The following CNDP1 variants were observed in gnomAD, a reference collection of about 807,000 sequenced individuals.
The protein encoded by CNDP1 is beta-Ala-His dipeptidase.
In CNDP1, 44 loss-of-function variants were observed where a neutral mutation model predicts 58.1. The ratio of observed to expected loss-of-function variants is 0.76; its 90% CI spans 0.60 to 0.97. The LOEUF (loss-of-function observed/expected upper bound fraction) is 0.97, where lower values mean the gene tolerates loss of function less well. Among genes scored for constraint, CNDP1 ranks in the 50% least tolerant of loss-of-function variants. CNDP1 has a pLI of 0.00. For synonymous variants in CNDP1, 254 were observed against 252.6 expected (o/e 1.01, Z -0.05); for missense variants, 616 against 655.1 (o/e 0.94, Z 0.65).
At chr18:74,579,653 A>C (rs1179864814) in intron 9 of CNDP1, among the ~76,000 whole-genome samples, 1 of 152,232 alleles carries the variant, frequency 6.6e-6, no homozygotes, top group Non-Finnish European at 1.5e-5. Flanking sequence ...GAGGCTCTCC[A>C]TAGTTGAGCC....
chr18:74,567,366 T>C lies in CNDP1; in HGVS notation c.689T>C (p.Leu230Pro). The C allele has an allele frequency of 2.5e-6, 4 of 1,614,140 alleles. No homozygotes were observed. Among genetic ancestry groups the C allele is most frequent in the Non-Finnish European group, 3.4e-6 (4 of 1,180,008 alleles). ...GACTACATTGTAATTTCAGATAACC[T>C]GTGGATCAGCCAAAGGAAGCCAGCA... ...GVDYIVISDNLWISQRKPAIT... is the reference protein window; with the variant it reads ...GVDYIVISDNPWISQRKPAIT... The change falls in exon 6 of 12, where the codon CTG (leucine) becomes CCG (proline). Residue 230 changes from leucine (L) to proline (P), a missense_variant. Transcript: ENST00000358821.
In CNDP1 at chr18:74,559,348, A is replaced by G. The variant is rs201810396; in HGVS notation, c.179A>G (p.Glu60Gly). 119 of 1,614,060 alleles carry G rather than the reference A, an allele frequency of 7.4e-5. No homozygotes were observed. The East Asian group carries it at 2.4e-3, about 32-fold the overall frequency. The part of the protein sequence containing the change: ...VQTLKEWVAI[E>G]SDSVQPVPRF... ...ACGCTGAAGGAGTGGGTGGCCATCG[A>G]GAGCGACTCTGTCCAGCCTGTGCCT... is the stretch of plus-strand genomic sequence containing the variant. Residue 60 changes from glutamate (E) to glycine (G), a missense_variant, in exon 3 of 12, where the codon GAG (glutamate) becomes GGG (glycine). Coordinates refer to ENST00000358821, the MANE Select transcript of CNDP1 (RefSeq NM_032649.6).
intron 1 of CNDP1, among the ~76,000 whole-genome samples, chr18:74,538,719 C>T (rs1458689156): frequency 6.6e-6 from 1 of 152,136 alleles, no homozygotes; most frequent in African/African-American, 2.4e-5. Context: ...TTTGTGATTC[C>T]CGGCATCCTC....
intron 7 of CNDP1, among the ~76,000 whole-genome samples, chr18:74,571,732 A>G (rs1981484496): frequency 6.6e-6 from 1 of 152,206 alleles, no homozygotes; most frequent in South Asian, 2.1e-4. Context: ...ACTAAGCGAC[A>G]CACCAGGTGA....
rs74934994 is a variant in CNDP1 at position 74,564,157 on chromosome 18, T to C, written c.555+2022T>C. ...CCCGTGCTCATGTTGCATTTGTTAA[T>C]CTGTGGTGAGTCAAGCCCACTTATT... On this transcript the variant is annotated intron_variant, in intron 5 of 11. Coordinates refer to ENST00000358821, the MANE Select transcript of CNDP1 (RefSeq NM_032649.6). Among the ~76,000 whole-genome samples, 1,539 of 152,338 alleles carry C rather than the reference T, an allele frequency of 0.01. 70 individuals are homozygous for C. The East Asian group carries it at 0.12, about 12-fold the overall frequency.
At chr18:74,584,256 T>C in intron 11 of CNDP1, 1 of 512,534 alleles carries the variant, frequency 2.0e-6, no homozygotes, top group Non-Finnish European at 3.5e-6. Context: ...TGATAAGAAA[T>C]CAAGGAAAAT....
At chr18:74,548,843 C>T (rs1980828440) in intron 1 of CNDP1, among the ~76,000 whole-genome samples, 1 of 152,210 alleles carries the variant, frequency 6.6e-6, no homozygotes, top group African/African-American at 2.4e-5. Context: ...CATGTTATGC[C>T]TTAGCAAAGA....
chr18:74,576,731 A>C (rs927555722), intron 7 of CNDP1, 138 bp from the exon 8 acceptor site: 1 of 636,646 alleles, frequency 1.6e-6, no homozygotes, highest in Non-Finnish European at 2.6e-6. Flanking sequence ...AGTTGCTGCC[A>C]ATGGCTTTGG....
At chr18:74,551,361 AACACACACACACAC>A (rs74178982) in intron 1 of CNDP1, among the ~76,000 whole-genome samples, 9 of 148,076 alleles carry the variant, frequency 6.1e-5, no homozygotes, top group Admixed American at 4.7e-4. Flanking sequence ...GCACAACTGT[AACACACACACACAC>A]ACACACACAC....
At chr18:74,572,008 G>A (rs530788282) in intron 7 of CNDP1, among the ~76,000 whole-genome samples, 20 of 152,238 alleles carry the variant, frequency 1.3e-4, no homozygotes, top group Non-Finnish European at 2.4e-4. Context: ...CGCTTGTCAC[G>A]GTGGCTGGAA....
intron 1 of CNDP1, among the ~76,000 whole-genome samples, chr18:74,553,610 T>A (rs140549314): frequency 1.5e-3 from 232 of 152,346 alleles, no homozygotes; most frequent in Non-Finnish European, 2.7e-3. Context: ...TCTATCCAAT[T>A]GATATGTATG....
In CNDP1 at chr18:74,576,905, C is replaced by A. The variant is rs1179896420; in HGVS notation, c.878C>A (p.Pro293His). The change falls in exon 8 of 12, where the codon CCT becomes CAT. Residue 293 changes from proline to histidine, a missense_variant. Coordinates refer to ENST00000358821, the MANE Select transcript of CNDP1 (RefSeq NM_032649.6). The part of the protein sequence containing the change: ...LVDSSGHILV[P>H]GIYDEVVPLT... ...GACTCGTCTGGTCATATCCTGGTCC[C>A]TGGAATCTATGATGAAGTGGTTCCT... 2 of 1,613,162 alleles carry A rather than the reference C, an allele frequency of 1.2e-6. No individual in the cohort carries two copies. Among genetic ancestry groups the A allele is most frequent in the African/African-American group, 2.7e-5 (2 of 74,904 alleles).
intron 3 of CNDP1, among the ~76,000 whole-genome samples, chr18:74,559,798 G>T (rs1339145984): frequency 6.6e-6 from 1 of 152,082 alleles, no homozygotes; most frequent in African/African-American, 2.4e-5. Context: ...AAAGGAAATT[G>T]TCCTTTTCTT....
Position 74,586,325 on chromosome 18 carries a change from A to G in CNDP1, c.*1763A>G, listed in dbSNP as rs1245821470. 1 of 152,238 alleles carries G rather than the reference A, an allele frequency of 6.6e-6. No homozygotes were observed. Among genetic ancestry groups the G allele is most frequent in the Non-Finnish European group, 1.5e-5 (1 of 68,050 alleles). The allele number at this position is 152,238 out of a possible 1,614,324, so 9.4% of individuals were successfully genotyped here. A position where few individuals can be genotyped will look rare whatever the true frequency, so the allele number is the denominator to read the frequency against. On this transcript the variant is annotated 3_prime_UTR_variant, in exon 12 of 12. Transcript: ENST00000358821. The stretch of plus-strand genomic sequence containing the variant: ...CAGCAGGTGTTTGATATTTTGTGCT[A>G]TTAAGTGTAGTTTGCGCTCATCTAA...
intron 2 of CNDP1, among the ~76,000 whole-genome samples, chr18:74,557,541 C>G (rs1981074880): frequency 6.6e-6 from 1 of 152,086 alleles, no homozygotes; most frequent in South Asian, 2.1e-4. Context: ...AGCTCCTCCC[C>G]ACCCCCACTC....
chr18:74,586,862 T>A lies in CNDP1; in HGVS notation c.*2300T>A, dbSNP rs1020440476. 6 of 152,240 alleles carry A rather than the reference T, an allele frequency of 3.9e-5. No homozygotes were observed. The highest frequency in any genetic ancestry group is 1.4e-4 in the African/African-American group (6 of 41,452). The allele number at this position is 152,240 out of a possible 1,614,324, so 9.4% of individuals were successfully genotyped here. A position where few individuals can be genotyped will look rare whatever the true frequency, so the allele number is the denominator to read the frequency against. On this transcript the variant is annotated 3_prime_UTR_variant, in exon 12 of 12. Coordinates refer to ENST00000358821, the MANE Select transcript of CNDP1 (RefSeq NM_032649.6). ...AAGGGATAAAAGAAAGCTACTCAGT[T>A]GTTATTCAGATATATTAACCAGCCA...
At chr18:74,578,429 T>C (rs962225856) in intron 9 of CNDP1, 102 bp downstream of exon 9, 1 of 1,123,388 alleles carries the variant, frequency 8.9e-7, no homozygotes, top group Non-Finnish European at 1.3e-6. Flanking sequence ...CATTGGAGTA[T>C]CATTTTTTTC....
chr18:74,544,217 A>C (rs541943102), intron 1 of CNDP1, among the ~76,000 whole-genome samples: 3 of 152,158 alleles, frequency 2.0e-5, no homozygotes, highest in Non-Finnish European at 2.9e-5. Flanking sequence ...ATGCCACTAC[A>C]CTCCAGCCTG....
intron 1 of CNDP1, among the ~76,000 whole-genome samples, chr18:74,552,664 T>C (rs1476461844): frequency 6.6e-6 from 1 of 152,252 alleles, no homozygotes; most frequent in East Asian, 1.9e-4. Context: ...TACCACATTT[T>C]ATTTATCCAT....
Sources: allele counts gnomAD v4.1 joint callset (sites outside exome capture counted in the v4.1 genomes callset), GRCh38; gene constraint gnomAD v4.1.1; transcripts MANE v1.5; gene names NCBI Gene and HGNC (gene_info 2026-07-23, HGNC 2026-07-21).